RAB6A: variants seen among roughly 807,000 people sequenced by gnomAD.
RAB6A encodes RAB6A, member RAS oncogene family, also known as ras-related protein Rab-6A.
In RAB6A, 8 loss-of-function variants were observed where a neutral mutation model predicts 32.3. The observed-to-expected ratio is 0.25, with a 90% confidence interval of 0.15 to 0.45. RAB6A has a LOEUF of 0.45. Ranked by LOEUF, RAB6A falls within the 20% of genes least tolerant of loss-of-function variation. The pLI is 1.00. For missense variants in RAB6A, 104 were observed against 249.4 expected (o/e 0.42, Z 3.93); for synonymous variants, 73 against 82.1 (o/e 0.89, Z 0.60).
intron 1 of RAB6A, among the ~76,000 whole-genome samples, chr11:73,748,291 T>C (rs766322904): frequency 2.6e-4 from 40 of 152,188 alleles, no homozygotes; most frequent in Non-Finnish European, 5.1e-4. Flanking sequence ...GAATGAACAG[T>C]ATCCCAAAAA....
At chr11:73,738,611 T>C (rs1336583249) in intron 1 of RAB6A, among the ~76,000 whole-genome samples, 1 of 152,160 alleles carries the variant, frequency 6.6e-6, no homozygotes, top group Non-Finnish European at 1.5e-5. Flanking sequence ...ATAGTGCCAC[T>C]GCACTCCAGC....
Position 73,694,890 on chromosome 11 carries a change from C to T in RAB6A, c.495+12530G>A, listed in dbSNP as rs112945409. On this transcript the variant is annotated intron_variant, in intron 6 of 7. Transcript: ENST00000336083. ...AATTAGCTGGGCATGGTGGCACACG[C>T]GTGCAATCCCAGCTACTCGGCAGGC... 3.8e-3 allele frequency among the ~76,000 whole-genome samples: 572 copies of T among 152,270 alleles called. 4 individuals carry two copies. The highest frequency in any genetic ancestry group is 0.013 in the African/African-American group (544 of 41,552).
intron 1 of RAB6A, among the ~76,000 whole-genome samples, chr11:73,739,292 T>TAA (rs1946457118): frequency 1.7e-5 from 1 of 58,632 alleles, no homozygotes; most frequent in Non-Finnish European, 3.5e-5. Context: ...AAAATATATA[T>TAA]ATATATATAT....
chr11:73,685,986 G>T (rs11235856), intron 6 of RAB6A, among the ~76,000 whole-genome samples: 1 of 150,764 alleles, frequency 6.6e-6, no homozygotes, highest in Non-Finnish European at 1.5e-5. Flanking sequence ...GGGGAACAGA[G>T]AATTTTGCCA....
intron 6 of RAB6A, among the ~76,000 whole-genome samples, chr11:73,692,495 T>C: frequency 1.0e-5 from 1 of 100,130 alleles, no homozygotes; most frequent in African/African-American, 4.1e-5. Flanking sequence ...AGAGTGAGAC[T>C]CTGTCTCAAA....
rs1565357846 is a variant in RAB6A at position 73,709,834 on chromosome 11, TATATAC to T, written c.402-2327_402-2322del. On this transcript the variant is annotated intron_variant, in intron 5 of 7. Coordinates refer to ENST00000336083, the MANE Select transcript of RAB6A (RefSeq NM_198896.2). The stretch of plus-strand genomic sequence containing the variant: ...TAATGAATTCATGCATATATATACA[TATATAC>T]ACATATATATACATATATACATATA... Among the ~76,000 whole-genome samples, 30 of 55,548 alleles carry T rather than the reference TATATAC, an allele frequency of 5.4e-4. No individual in the cohort carries two copies. In the East Asian group the frequency reaches 9.0e-3, roughly 17 times the overall value. 36.4% of individuals were successfully genotyped at this position (55,548 alleles called of 152,430 possible). A position where few individuals can be genotyped will look rare whatever the true frequency, so the allele number is the denominator to read the frequency against.
intron 1 of RAB6A, among the ~76,000 whole-genome samples, chr11:73,749,921 G>C (rs1946648814): frequency 6.6e-6 from 1 of 152,152 alleles, no homozygotes; most frequent in South Asian, 2.1e-4. Flanking sequence ...AGCTACTCAG[G>C]AGGCTGAGGC....
chr11:73,724,572 G>A (rs1946188842), intron 2 of RAB6A, among the ~76,000 whole-genome samples: 1 of 138,086 alleles, frequency 7.2e-6, no homozygotes, highest in Non-Finnish European at 1.5e-5. Context: ...CGCAACCTCC[G>A]CCTCCCGGGG....
At position 73,676,301 on chromosome 11, in the gene RAB6A, G is replaced by A. The variant is rs1945268806; in HGVS notation, c.*1597C>T. 1.8e-5 allele frequency: 3 copies of A among 166,962 alleles called. No homozygotes were observed. The highest frequency in any genetic ancestry group is 1.3e-4 in the Admixed American group (2 of 15,254). The allele number at this position is 166,962 out of a possible 1,614,324, so 10.3% of individuals were successfully genotyped here. A position where few individuals can be genotyped will look rare whatever the true frequency, so the allele number is the denominator to read the frequency against. ...CCTGAGCTGTAACTCAGAAGTTTTC[G>A]TCCTGCAAACAATGTATTTACAAAT... On this transcript the variant is annotated 3_prime_UTR_variant, in exon 8 of 8. Coordinates refer to ENST00000336083, the MANE Select transcript of RAB6A (RefSeq NM_198896.2).
Position 73,677,947 on chromosome 11 carries a change from A to G in RAB6A, c.578T>C (p.Leu193Pro), listed in dbSNP as rs374282553. 5 of 1,614,098 alleles carry G rather than the reference A, an allele frequency of 3.1e-6. No homozygotes were observed. Among genetic ancestry groups the G allele is most frequent in the Non-Finnish European group, 4.2e-6 (5 of 1,180,032 alleles). ...GACTGGTTGCTCCTGAGGCTTTTCC[A>G]GTTTTATGTCAATCACTGAAACAAA... ...RSREDMIDIK[L>P]EKPQEQPVSE... The change falls in exon 8 of 8, where the codon CTG (leucine) becomes CCG (proline). Residue 193 changes from leucine to proline, a missense_variant. Transcript: ENST00000336083.
At chr11:73,741,042 A>G (rs1946487771) in intron 1 of RAB6A, among the ~76,000 whole-genome samples, 1 of 152,198 alleles carries the variant, frequency 6.6e-6, no homozygotes. Flanking sequence ...CTCCACAATA[A>G]TATTTATTAG....
chr11:73,709,345 G>T (rs1379700070), intron 5 of RAB6A, among the ~76,000 whole-genome samples: 9 of 151,664 alleles, frequency 5.9e-5, no homozygotes, highest in Non-Finnish European at 2.9e-5. Context: ...AGGAGGGAGG[G>T]AGTGACGGAG....
chr11:73,687,540 T>C (rs1168123311), intron 6 of RAB6A, among the ~76,000 whole-genome samples: 3 of 152,156 alleles, frequency 2.0e-5, no homozygotes, highest in Admixed American at 6.6e-5. Context: ...TCCATTCCTA[T>C]TGTCATTATT....
At chr11:73,722,338 TATATA>T (rs1263251410) in intron 2 of RAB6A, 6 of 8,138 alleles carry the variant, frequency 7.4e-4, no homozygotes, top group African/African-American at 1.2e-3. Flanking sequence ...TATATATATA[TATATA>T]TTTTTTTTTT....
At chr11:73,739,364 G>A (rs1946459609) in intron 1 of RAB6A, among the ~76,000 whole-genome samples, 1 of 136,054 alleles carries the variant, frequency 7.4e-6, no homozygotes. Context: ...AAGAGATGGG[G>A]TGTCACTATA....
intron 6 of RAB6A, among the ~76,000 whole-genome samples, chr11:73,705,583 A>G (rs1945826055): frequency 6.6e-6 from 1 of 152,070 alleles, no homozygotes; most frequent in African/African-American, 2.4e-5. Context: ...GAAAATATAT[A>G]TAAGAAATAG....
chr11:73,760,642 A>T lies in RAB6A; in HGVS notation c.-7T>A. On this transcript the variant is annotated 5_prime_UTR_variant, in exon 1 of 8. Transcript: ENST00000336083. The stretch of plus-strand genomic sequence containing the variant: ...AGTCTCCGCCCGTGGACATTGTGGA[A>T]CTAGAGGAGCGGCCGCCGCCTCAGC... 6.2e-7 allele frequency: 1 copy of T among 1,607,528 alleles called. No homozygotes were observed. The highest frequency in any genetic ancestry group is 8.5e-7 in the Non-Finnish European group (1 of 1,177,272).
At chr11:73,705,778 G>GAGAGAGAGAC (rs543422736) in intron 6 of RAB6A, among the ~76,000 whole-genome samples, 1 of 150,892 alleles carries the variant, frequency 6.6e-6, no homozygotes, top group Non-Finnish European at 1.5e-5. Context: ...GAGAGAGAGA[G>GAGAGAGAGAC]AGAGAGAGAG....
rs1025161930 is a variant in RAB6A, at chr11:73,737,944, C to T, written c.71-7121G>A. On this transcript the variant is annotated intron_variant, in intron 1 of 7. Coordinates refer to ENST00000336083, the MANE Select transcript of RAB6A (RefSeq NM_198896.2). ...CCGGGAGGCGGAGGTTGCAGTGAGCCGAGATCACACCATGCACTCCAGCCT... is the reference window on the plus strand; with the variant it reads ...CCGGGAGGCGGAGGTTGCAGTGAGCTGAGATCACACCATGCACTCCAGCCT... 7.5e-5 allele frequency among the ~76,000 whole-genome samples: 10 copies of T among 133,808 alleles called. No homozygotes were observed. The East Asian group carries it at 2.4e-3, about 31-fold the overall frequency. 87.8% of individuals were successfully genotyped at this position (133,808 alleles called of 152,430 possible).
Sources: allele counts gnomAD v4.1 joint callset (sites outside exome capture counted in the v4.1 genomes callset), GRCh38; gene constraint gnomAD v4.1.1; transcripts MANE v1.5; gene names NCBI Gene and HGNC (gene_info 2026-07-23, HGNC 2026-07-21).